SPOCK1: variants seen among roughly 807,000 people sequenced by gnomAD.
SPOCK1 encodes the protein SPARC (osteonectin), cwcv and kazal like domains proteoglycan 1.
In SPOCK1, 23 loss-of-function variants were observed where a neutral mutation model predicts 55.3. The observed-to-expected ratio is 0.42, with a 90% CI of 0.30 to 0.59. The LOEUF is 0.59. Among genes scored for constraint, SPOCK1 ranks in the 20% least tolerant of loss-of-function variants. The pLI, the probability that SPOCK1 is intolerant of heterozygous loss-of-function variation, is 0.22. For synonymous variants in SPOCK1, 226 were observed against 221.0 expected (o/e 1.02, Z -0.20); for missense variants, 499 against 552.5 (o/e 0.90, Z 0.97).
chr5:137,465,216 G>A (rs1753595448), intron 2 of SPOCK1, among the ~76,000 whole-genome samples: 1 of 152,092 alleles, frequency 6.6e-6, no homozygotes, highest in African/African-American at 2.4e-5. Flanking sequence ...CCAAATTTAG[G>A]TTGTTGAAGA....
intron 5 of SPOCK1, among the ~76,000 whole-genome samples, chr5:137,082,586 C>A (rs1752894082): frequency 6.6e-6 from 1 of 152,184 alleles, no homozygotes; most frequent in African/African-American, 2.4e-5. Flanking sequence ...GGATGCATAA[C>A]AAGCATCCAG....
intron 6 of SPOCK1, among the ~76,000 whole-genome samples, chr5:137,035,634 A>G (rs1260592006): frequency 6.6e-6 from 1 of 152,132 alleles, no homozygotes; most frequent in African/African-American, 2.4e-5. Context: ...GAGAAGAAGC[A>G]TGATCCTGAG....
chr5:137,040,074 T>C (rs913515326), intron 6 of SPOCK1, among the ~76,000 whole-genome samples: 8 of 152,236 alleles, frequency 5.3e-5, no homozygotes, highest in African/African-American at 1.9e-4. Flanking sequence ...GCCTTTGTTG[T>C]TCCTCCTGCA....
At chr5:137,301,634 T>G (rs1580854893) in intron 2 of SPOCK1, among the ~76,000 whole-genome samples, 1 of 78,430 alleles carries the variant, frequency 1.3e-5, no homozygotes, top group Admixed American at 1.8e-4. Flanking sequence ...GCATTTCGTC[T>G]CCTTTTTTTT....
intron 2 of SPOCK1, among the ~76,000 whole-genome samples, chr5:137,350,412 A>C (rs949143362): frequency 2.0e-5 from 3 of 152,212 alleles, no homozygotes; most frequent in Admixed American, 6.5e-5. Context: ...ATTCTGTGGC[A>C]AGGCTTGGCT....
chr5:137,123,542 G>A (rs1159109249), intron 4 of SPOCK1, among the ~76,000 whole-genome samples: 1 of 152,184 alleles, frequency 6.6e-6, no homozygotes, highest in Non-Finnish European at 1.5e-5. Flanking sequence ...AGCACAGGGA[G>A]TAGTAAGCCA....
chr5:137,361,274 T>C lies in SPOCK1; in HGVS notation c.187-94219A>G, dbSNP rs142324040. Among the ~76,000 whole-genome samples, 557 of 152,338 alleles carry C rather than the reference T, an allele frequency of 3.7e-3. 6 individuals are homozygous for C. The highest frequency in any genetic ancestry group is 0.013 in the African/African-American group (531 of 41,576). ...AGCCACCCAGTCTATGGTATTTTGT[T>C]ATAGCAGCCTGAGCTATGACAATGT... On this transcript the variant is annotated intron_variant, in intron 2 of 10. Transcript: ENST00000394945.
At chr5:137,194,217 A>G (rs1237286283) in intron 3 of SPOCK1, among the ~76,000 whole-genome samples, 1 of 152,214 alleles carries the variant, frequency 6.6e-6, no homozygotes, top group Non-Finnish European at 1.5e-5. Context: ...GTGGAAAAAG[A>G]GATGGCTACA....
At chr5:137,198,281 CT>C (rs1281385738) in intron 3 of SPOCK1, among the ~76,000 whole-genome samples, 1 of 152,168 alleles carries the variant, frequency 6.6e-6, no homozygotes, top group African/African-American at 2.4e-5. Flanking sequence ...TGCATATGTC[CT>C]TGTCCTAATT....
At chr5:137,076,931 T>A (rs530230810) in intron 5 of SPOCK1, among the ~76,000 whole-genome samples, 184 of 140,790 alleles carry the variant, frequency 1.3e-3, no homozygotes, top group Middle Eastern at 0.01. Flanking sequence ...AGATTTAAAA[T>A]TTTTTTTTTT....
At chr5:137,279,668 C>G (rs534556793) in intron 2 of SPOCK1, among the ~76,000 whole-genome samples, 1 of 152,208 alleles carries the variant, frequency 6.6e-6, no homozygotes, top group Admixed American at 6.5e-5. Flanking sequence ...TGCTCTGTGA[C>G]TAGGAAACTC....
intron 6 of SPOCK1, among the ~76,000 whole-genome samples, chr5:137,057,690 T>C (rs1351185774): frequency 4.6e-5 from 7 of 152,204 alleles, no homozygotes; most frequent in African/African-American, 1.7e-4. Flanking sequence ...AATACACCAC[T>C]TGGATCTAGG....
chr5:137,219,447 A>T (rs954776885), intron 3 of SPOCK1, among the ~76,000 whole-genome samples: 2 of 152,220 alleles, frequency 1.3e-5, no homozygotes, highest in African/African-American at 4.8e-5. Flanking sequence ...AGGAATTGGC[A>T]TTGCTGCAAA....
intron 4 of SPOCK1, among the ~76,000 whole-genome samples, chr5:137,137,870 C>G (rs925679371): frequency 2.0e-5 from 3 of 152,158 alleles, no homozygotes; most frequent in East Asian, 3.9e-4. Context: ...ATAATAATAA[C>G]TATTATCATA....
In SPOCK1 at chr5:137,158,861, G is replaced by GA. The variant is rs139012814; in HGVS notation, c.233-18168dup. On this transcript the variant is annotated intron_variant, in intron 3 of 10. Transcript: ENST00000394945. ...GAATGACCTGGTCCACAGAGGATGGGATCTCCTAAAGAGATGGCAAATTGC... is the reference window on the plus strand; with the variant it reads ...GAATGACCTGGTCCACAGAGGATGGGAATCTCCTAAAGAGATGGCAAATTGC... Among the ~76,000 whole-genome samples, 1,334 of 152,236 alleles carry GA rather than the reference G, an allele frequency of 8.8e-3. 18 individuals are homozygous for GA. The highest frequency in any genetic ancestry group is 0.027 in the African/African-American group (1,109 of 41,546).
At chr5:137,395,299 A>G (rs1426868468) in intron 2 of SPOCK1, among the ~76,000 whole-genome samples, 3 of 152,168 alleles carry the variant, frequency 2.0e-5, no homozygotes, top group African/African-American at 7.2e-5. Flanking sequence ...CAGGTGTGCC[A>G]AAGTAATTTT....
intron 3 of SPOCK1, among the ~76,000 whole-genome samples, chr5:137,150,824 G>A (rs1343997447): frequency 1.3e-5 from 2 of 151,276 alleles, no homozygotes; most frequent in Non-Finnish European, 3.0e-5. Context: ...TAGAAACAGG[G>A]ATCTCAAATC....
chr5:137,019,397 C>T (rs1751515389), intron 6 of SPOCK1, among the ~76,000 whole-genome samples: 1 of 152,040 alleles, frequency 6.6e-6, no homozygotes, highest in South Asian at 2.1e-4. Context: ...GTGCCTTGCT[C>T]TTTTTCACTT....
intron 3 of SPOCK1, among the ~76,000 whole-genome samples, chr5:137,207,993 C>T (rs148145517): frequency 0.011 from 1,656 of 152,208 alleles, 57 homozygotes; most frequent in Admixed American, 0.064. Flanking sequence ...AACATACAAT[C>T]CCCAGCAACA....
Sources: allele counts gnomAD v4.1 joint callset (sites outside exome capture counted in the v4.1 genomes callset), GRCh38; gene constraint gnomAD v4.1.1; transcripts MANE v1.5; gene names NCBI Gene and HGNC (gene_info 2026-07-23, HGNC 2026-07-21).